NRXN3: variants seen among roughly 807,000 people sequenced by gnomAD.
NRXN3 encodes neurexin III.
In NRXN3, 32 loss-of-function variants were observed where a neutral mutation model predicts 137.6. The ratio of observed to expected loss-of-function variants is 0.23; its 90% CI spans 0.18 to 0.31. The LOEUF is 0.31. Among genes scored for constraint, NRXN3 ranks in the 10% least tolerant of loss-of-function variants. The pLI is 1.00. For missense variants in NRXN3, 1,574 were observed against 2,062.5 expected, an observed-to-expected ratio of 0.76 and a Z score of 4.59; for synonymous variants, 798 against 784.5, an observed-to-expected ratio of 1.02 and a Z score of -0.29.
intron 15 of NRXN3, among the ~76,000 whole-genome samples, chr14:79,440,206 A>G (rs927054640): frequency 6.6e-6 from 1 of 152,242 alleles, no homozygotes; most frequent in Non-Finnish European, 1.5e-5. Flanking sequence ...AGTTTGGTGT[A>G]ATGGTTAAGA....
chr14:79,663,662 A>T, intron 16 of NRXN3, 116 bp from the exon 17 acceptor site: 1 of 771,554 alleles, frequency 1.3e-6, no homozygotes, highest in Admixed American at 2.7e-5. Flanking sequence ...TCTTATCTTC[A>T]TGCTGACAGC....
intron 15 of NRXN3, among the ~76,000 whole-genome samples, chr14:79,464,242 A>G (rs1057485205): frequency 2.6e-5 from 4 of 152,174 alleles, no homozygotes; most frequent in African/African-American, 9.6e-5. Flanking sequence ...ATAGCAAAGT[A>G]ATCATATGCC....
In NRXN3 at chr14:79,376,833, G is replaced by A. The variant is rs1436129155; in HGVS notation, c.3263-90388G>A. Among the ~76,000 whole-genome samples the A allele has an allele frequency of 2.6e-5, 4 of 152,214 alleles. No individual in the cohort carries two copies. The East Asian group carries it at 7.7e-4, about 29-fold the overall frequency. On this transcript the variant is annotated intron_variant, in intron 15 of 20. Transcript: ENST00000335750. ...AGTGTTTCCTTCTAAGTGCACTATT[G>A]CCAGTCAGATTTACACCCAAGTAGC...
chr14:78,777,423 G>A (rs1434556995), intron 8 of NRXN3, among the ~76,000 whole-genome samples: 1 of 152,030 alleles, frequency 6.6e-6, no homozygotes, highest in Non-Finnish European at 1.5e-5. Context: ...CCCATGTGGT[G>A]GGTCCATCTT....
At chr14:79,839,994 T>C (rs1304234735) in intron 20 of NRXN3, among the ~76,000 whole-genome samples, 3 of 152,144 alleles carry the variant, frequency 2.0e-5, no homozygotes, top group Non-Finnish European at 4.4e-5. Flanking sequence ...TATGTATGTA[T>C]TTAAACGAAT....
chr14:79,359,204 C>G (rs1242344572), intron 15 of NRXN3, among the ~76,000 whole-genome samples: 1 of 152,140 alleles, frequency 6.6e-6, no homozygotes, highest in Non-Finnish European at 1.5e-5. Flanking sequence ...TATCTGTTCT[C>G]ATTAAGTTCT....
At chr14:78,417,481 C>T (rs758724608) in intron 4 of NRXN3, among the ~76,000 whole-genome samples, 4 of 152,192 alleles carry the variant, frequency 2.6e-5, no homozygotes, top group Non-Finnish European at 4.4e-5. Flanking sequence ...TTTCACTTCT[C>T]ACATAGCATT....
At position 78,818,366 on chromosome 14, in the gene NRXN3, G is replaced by A. The variant is rs538192713; in HGVS notation, c.2275+8022G>A. On this transcript the variant is annotated intron_variant, in intron 10 of 20. Transcript: ENST00000335750. ...TGGGGTAATGAATTGTATCCATTGC[G>A]CTACCTTAATTTATTATTTATACAA... Among the ~76,000 whole-genome samples the A allele has an allele frequency of 1.0e-3, 156 of 152,018 alleles. 1 individual carries two copies. Among genetic ancestry groups the A allele is most frequent in the African/African-American group, 3.6e-3 (149 of 41,502 alleles).
chr14:79,847,880 C>CT lies in NRXN3; in HGVS notation c.4094-13448dup, dbSNP rs72525147. Among the ~76,000 whole-genome samples the CT allele has an allele frequency of 7.0e-3, 970 of 138,098 alleles. 3 individuals carry two copies. The highest frequency in any genetic ancestry group is 0.017 in the African/African-American group (637 of 37,842). The allele number at this position is 138,098 out of a possible 152,430, so 90.6% of individuals were successfully genotyped here. On this transcript the variant is annotated intron_variant, in intron 20 of 20. Coordinates refer to ENST00000335750, the MANE Select transcript of NRXN3 (RefSeq NM_001330195.2). The stretch of plus-strand genomic sequence containing the variant: ...CCCACCTAAGAAACTGCCAGGAATT[C>CT]TTTTTTTTTTTTTTCATTTTGTTTT...
At chr14:79,543,771 A>G (rs1184784936) in intron 16 of NRXN3, among the ~76,000 whole-genome samples, 6 of 152,204 alleles carry the variant, frequency 3.9e-5, no homozygotes, top group African/African-American at 1.2e-4. Context: ...GGCCCCAATC[A>G]AAGTGCACAG....
chr14:79,449,553 C>T (rs936297441), intron 15 of NRXN3, among the ~76,000 whole-genome samples: 4 of 152,120 alleles, frequency 2.6e-5, no homozygotes, highest in African/African-American at 9.7e-5. Flanking sequence ...TTATCACTTC[C>T]TTGTGGACTA....
chr14:79,591,647 A>G (rs2153821722), intron 16 of NRXN3, among the ~76,000 whole-genome samples: 1 of 152,304 alleles, frequency 6.6e-6, no homozygotes, highest in African/African-American at 2.4e-5. Context: ...CTTTCAGTTC[A>G]ATACAATTTA....
chr14:78,941,158 G>T (rs371498799), intron 10 of NRXN3, among the ~76,000 whole-genome samples: 33 of 152,198 alleles, frequency 2.2e-4, no homozygotes, highest in African/African-American at 7.7e-4. Flanking sequence ...CACAATCACT[G>T]GCCTCGTGGA....
chr14:78,270,162 AACCTG>A (rs1215452324), intron 2 of NRXN3, among the ~76,000 whole-genome samples: 1 of 152,134 alleles, frequency 6.6e-6, no homozygotes, highest in Non-Finnish European at 1.5e-5. Flanking sequence ...CTGACTCTAG[AACCTG>A]CCTCTTAACC....
At chr14:79,658,154 A>T (rs1463428300) in intron 16 of NRXN3, among the ~76,000 whole-genome samples, 2 of 152,228 alleles carry the variant, frequency 1.3e-5, no homozygotes, top group Non-Finnish European at 2.9e-5. Context: ...ATTGTCGAAA[A>T]TGCATGGATT....
intron 8 of NRXN3, among the ~76,000 whole-genome samples, chr14:78,778,797 TTTCTTTCTTTC>T (rs1221434445): frequency 7.1e-6 from 1 of 140,906 alleles, no homozygotes; most frequent in Non-Finnish European, 1.5e-5. Context: ...TCTTTCTTTC[TTTCTTTCTTTC>T]TTTCTTTCTT....
intron 8 of NRXN3, among the ~76,000 whole-genome samples, chr14:78,720,137 C>T (rs2098452947): frequency 1.3e-5 from 2 of 151,888 alleles, no homozygotes; most frequent in South Asian, 4.2e-4. Context: ...TCTTCTTGGC[C>T]TGCACGGTTC....
At chr14:78,253,675 GA>G (rs558851611) in intron 2 of NRXN3, among the ~76,000 whole-genome samples, 1 of 149,836 alleles carries the variant, frequency 6.7e-6, no homozygotes, top group East Asian at 1.9e-4. Flanking sequence ...ACCCATCTCA[GA>G]AAAAAAAAGA....
chr14:78,732,572 AATGT>A (rs2098521377), intron 8 of NRXN3, among the ~76,000 whole-genome samples: 1 of 152,154 alleles, frequency 6.6e-6, no homozygotes, highest in Non-Finnish European at 1.5e-5. Context: ...TGGTGGTTCT[AATGT>A]ATCTTCCCAT....
Sources: allele counts gnomAD v4.1 joint callset (sites outside exome capture counted in the v4.1 genomes callset), GRCh38; gene constraint gnomAD v4.1.1; transcripts MANE v1.5; gene names NCBI Gene and HGNC (gene_info 2026-07-23, HGNC 2026-07-21).